B3GALT1: variants seen among roughly 807,000 people sequenced by gnomAD.
The protein encoded by B3GALT1 is UDP-Gal:betaGlcNAc beta 1,3-galactosyltransferase, polypeptide 1.
Under a neutral mutation model 23.2 loss-of-function variants are expected in B3GALT1, and 10 were observed. That is an observed-to-expected ratio of 0.43 (90% CI 0.27 to 0.73). The LOEUF (loss-of-function observed/expected upper bound fraction) is 0.73, where lower values mean the gene tolerates loss of function less well. Among genes scored for constraint, B3GALT1 ranks in the 30% least tolerant of loss-of-function variants. The probability of loss-of-function intolerance (pLI) is 0.21; values close to 1 mark genes in which losing one functional copy is unlikely to be tolerated. For missense variants in B3GALT1, 299 were observed against 405.4 expected (o/e 0.74, Z 2.25); for synonymous variants, 156 against 141.5 (o/e 1.10, Z -0.73).
intron 4 of B3GALT1, among the ~76,000 whole-genome samples, chr2:167,849,763 G>A (rs112378522): frequency 0.1 from 15,846 of 151,798 alleles, 1,013 homozygotes; most frequent in Middle Eastern, 0.19. Flanking sequence ...GGTGGCAGGC[G>A]CCTGTAGTCC....
chr2:167,839,163 G>A (rs1234261811), intron 4 of B3GALT1, among the ~76,000 whole-genome samples: 1 of 152,128 alleles, frequency 6.6e-6, no homozygotes, highest in South Asian at 2.1e-4. Context: ...ACATAGTGTT[G>A]GAAGTTCTGG....
At chr2:167,857,134 A>G (rs1203628247) in intron 4 of B3GALT1, among the ~76,000 whole-genome samples, 1 of 152,112 alleles carries the variant, frequency 6.6e-6, no homozygotes, top group Non-Finnish European at 1.5e-5. Context: ...CAGGAGACCA[A>G]TTTACCTTAA....
At chr2:167,635,065 A>G (rs1558931916) in intron 2 of B3GALT1, among the ~76,000 whole-genome samples, 1 of 152,124 alleles carries the variant, frequency 6.6e-6, no homozygotes, top group Non-Finnish European at 1.5e-5. Context: ...CAATAAACGT[A>G]ATCCATCACA....
chr2:167,748,139 A>G (rs1242183135), intron 3 of B3GALT1, among the ~76,000 whole-genome samples: 2 of 152,234 alleles, frequency 1.3e-5, no homozygotes, highest in African/African-American at 4.8e-5. Flanking sequence ...TGCAAGTTAG[A>G]CTATGATACG....
chr2:167,559,705 G>T (rs977302277), intron 2 of B3GALT1, among the ~76,000 whole-genome samples: 43 of 152,330 alleles, frequency 2.8e-4, no homozygotes, highest in Non-Finnish European at 2.2e-4. Flanking sequence ...AAGGGTATCA[G>T]TGATGGAAGA....
chr2:167,713,640 A>G, intron 3 of B3GALT1: 3 of 1,302,092 alleles, frequency 2.3e-6, no homozygotes, highest in East Asian at 4.6e-5. Flanking sequence ...GCTTTTGAAG[A>G]AAGCAAAAAT....
intron 2 of B3GALT1, among the ~76,000 whole-genome samples, chr2:167,559,005 C>G (rs181663644): frequency 6.6e-6 from 1 of 152,238 alleles, no homozygotes; most frequent in Admixed American, 6.5e-5. Context: ...AGACTGCCTC[C>G]TCAAGTGGGT....
At chr2:167,681,589 G>A (rs894428847) in intron 3 of B3GALT1, among the ~76,000 whole-genome samples, 1 of 152,218 alleles carries the variant, frequency 6.6e-6, no homozygotes, top group Non-Finnish European at 1.5e-5. Flanking sequence ...ACTGATTTCA[G>A]TGGTTGATTT....
intron 2 of B3GALT1, among the ~76,000 whole-genome samples, chr2:167,556,026 T>C (rs1683842999): frequency 6.6e-6 from 1 of 152,196 alleles, no homozygotes; most frequent in African/African-American, 2.4e-5. Context: ...GATTTTTCTA[T>C]GGATCCCAGG....
At chr2:167,693,653 T>C (rs908476269) in intron 3 of B3GALT1, among the ~76,000 whole-genome samples, 2 of 152,164 alleles carry the variant, frequency 1.3e-5, no homozygotes, top group African/African-American at 4.8e-5. Flanking sequence ...TATTTCACTT[T>C]GCTAATTGAC....
chr2:167,601,320 T>G (rs1488701888), intron 2 of B3GALT1, among the ~76,000 whole-genome samples: 1 of 152,194 alleles, frequency 6.6e-6, no homozygotes, highest in South Asian at 2.1e-4. Context: ...GTGCTGGGAT[T>G]ACAGGCATGA....
At chr2:167,423,642 A>G (rs952851981) in intron 1 of B3GALT1, among the ~76,000 whole-genome samples, 6 of 152,192 alleles carry the variant, frequency 3.9e-5, no homozygotes, top group Non-Finnish European at 7.3e-5. Context: ...CTTTGCAGCA[A>G]TTAGTCCCAA....
intron 4 of B3GALT1, among the ~76,000 whole-genome samples, chr2:167,835,369 CAGG>C (rs1407732488): frequency 6.6e-6 from 1 of 152,232 alleles, no homozygotes; most frequent in African/African-American, 2.4e-5. Context: ...AACGGCGCAC[CAGG>C]AGATTATATC....
chr2:167,784,710 G>A (rs984477056), intron 3 of B3GALT1, among the ~76,000 whole-genome samples: 5 of 152,144 alleles, frequency 3.3e-5, no homozygotes, highest in African/African-American at 7.2e-5. Flanking sequence ...TCTGGACTAC[G>A]TAAATACTTA....
chr2:167,762,645 T>A (rs903356031), intron 3 of B3GALT1, among the ~76,000 whole-genome samples: 12 of 152,158 alleles, frequency 7.9e-5, no homozygotes, highest in African/African-American at 2.9e-4. Context: ...TAATTCTTGC[T>A]TAATGATTTA....
intron 4 of B3GALT1, among the ~76,000 whole-genome samples, chr2:167,840,610 C>T (rs1384464201): frequency 6.7e-6 from 1 of 149,894 alleles, no homozygotes; most frequent in African/African-American, 2.5e-5. Context: ...TTGTGGAAGT[C>T]AGTGTGGCGA....
intron 2 of B3GALT1, among the ~76,000 whole-genome samples, chr2:167,525,402 A>G (rs1683202766): frequency 6.6e-6 from 1 of 152,100 alleles, no homozygotes; most frequent in African/African-American, 2.4e-5. Context: ...CTTTATAAAC[A>G]ATATTTTAAT....
intron 4 of B3GALT1, among the ~76,000 whole-genome samples, chr2:167,839,531 A>C (rs1289140087): frequency 6.6e-6 from 1 of 152,252 alleles, no homozygotes; most frequent in Admixed American, 6.5e-5. Flanking sequence ...ATAAAGGAGG[A>C]TACAAACAAA....
intron 4 of B3GALT1, among the ~76,000 whole-genome samples, chr2:167,853,855 G>A (rs1689950869): frequency 6.6e-6 from 1 of 152,128 alleles, no homozygotes; most frequent in Non-Finnish European, 1.5e-5. Context: ...CACCTAGGGG[G>A]AGGGCGTGCA....
Sources: gnomAD v4.1 joint callset for allele counts (sites outside exome capture counted in the v4.1 genomes callset) on GRCh38, gnomAD v4.1.1 for gene constraint, MANE v1.5 for transcripts, NCBI Gene and HGNC (gene_info 2026-07-23, HGNC 2026-07-21) for gene names.